The following PCDH11X variants were observed in gnomAD, a reference collection of about 807,000 sequenced individuals.
PCDH11X encodes protocadherin 11 X-linked.
A neutral mutation model predicts 53.3 loss-of-function variants in PCDH11X; 18 were observed. The ratio of observed to expected loss-of-function variants is 0.34; its 90% CI spans 0.23 to 0.50. The LOEUF (loss-of-function observed/expected upper bound fraction) is 0.50. Ranked by LOEUF, PCDH11X falls within the 20% of genes least tolerant of loss-of-function variation. The pLI is 0.98. For synonymous variants in PCDH11X, 279 were observed against 393.3 expected, an observed-to-expected ratio of 0.71 and a Z score of 3.44; for missense variants, 570 against 1,032.4, an observed-to-expected ratio of 0.55 and a Z score of 6.14.
chrX:92,304,992 A>G (rs1344523450), intron 8 of PCDH11X, among the ~76,000 whole-genome samples: 1 of 111,175 alleles, frequency 9.0e-6, no homozygotes, highest in Non-Finnish European at 1.9e-5. Context: ...CTGTATCCCA[A>G]GAGATAATCT....
intron 10 of PCDH11X, among the ~76,000 whole-genome samples, chrX:92,493,009 A>G (rs1295727940): frequency 6.3e-5 from 7 of 111,838 alleles, no homozygotes; most frequent in Middle Eastern, 4.7e-3. Flanking sequence ...TTAATGTTGA[A>G]TATTGTATGA....
rs1247632651 is a variant in PCDH11X at position 91,865,493 on chromosome X, G to C, written c.541-11288G>C. On this transcript the variant is annotated intron_variant, in intron 5 of 10. Coordinates refer to ENST00000682573, the MANE Select transcript of PCDH11X (RefSeq NM_032968.5). The stretch of plus-strand genomic sequence containing the variant: ...AGCACTGGGTCTCACCCAAGTTCAA[G>C]CTCAGCACTGGGTCTCACCCTTGTT... Among the ~76,000 whole-genome samples, 4 of 109,468 alleles carry C rather than the reference G, an allele frequency of 3.7e-5. No individual in the cohort carries two copies. In the East Asian group the frequency reaches 1.2e-3, roughly 32 times the overall value.
intron 6 of PCDH11X, among the ~76,000 whole-genome samples, chrX:92,142,164 T>A (rs186344165): frequency 0.047 from 4,842 of 104,123 alleles, 194 homozygotes; most frequent in African/African-American, 0.15. Context: ...TATTATTTTT[T>A]TTTTTTTTTG....
intron 6 of PCDH11X, among the ~76,000 whole-genome samples, chrX:91,913,353 G>A (rs1372029935): frequency 9.0e-6 from 1 of 111,726 alleles, no homozygotes; most frequent in Non-Finnish European, 1.9e-5. Context: ...CTTGTGGCAA[G>A]GTCAGAGCAG....
chrX:92,590,623 T>A (rs1924934273), intron 10 of PCDH11X, among the ~76,000 whole-genome samples: 1 of 111,466 alleles, frequency 9.0e-6, no homozygotes, highest in South Asian at 3.8e-4. Flanking sequence ...TGTAGCCCTG[T>A]CACAGGGACT....
At chrX:91,788,598 T>C (rs1248532344) in intron 1 of PCDH11X, among the ~76,000 whole-genome samples, 1 of 112,484 alleles carries the variant, frequency 8.9e-6, no homozygotes, top group Admixed American at 9.4e-5. Context: ...TGATGATTGC[T>C]ACATAATCTC....
At chrX:92,138,402 T>C (rs1419983267) in intron 6 of PCDH11X, among the ~76,000 whole-genome samples, 15 of 111,306 alleles carry the variant, frequency 1.3e-4, no homozygotes, top group African/African-American at 4.9e-4. Flanking sequence ...ATTTTCGTTA[T>C]TATTTTCCAT....
At chrX:92,425,607 T>C (rs1423974879) in intron 9 of PCDH11X, among the ~76,000 whole-genome samples, 1 of 109,342 alleles carries the variant, frequency 9.1e-6, no homozygotes, top group East Asian at 2.9e-4. Flanking sequence ...GACATTTAGA[T>C]ATACAGGGCT....
At chrX:92,016,719 T>A (rs1239326376) in intron 6 of PCDH11X, among the ~76,000 whole-genome samples, 4 of 111,749 alleles carry the variant, frequency 3.6e-5, no homozygotes, top group Non-Finnish European at 7.5e-5. Flanking sequence ...TCTAGACCAC[T>A]GAAACTTTCT....
At chrX:92,336,269 A>G (rs1232446082) in intron 8 of PCDH11X, among the ~76,000 whole-genome samples, 1 of 111,850 alleles carries the variant, frequency 8.9e-6, no homozygotes, top group Non-Finnish European at 1.9e-5. Context: ...GGATTCACAC[A>G]CAAAATTATT....
intron 8 of PCDH11X, among the ~76,000 whole-genome samples, chrX:92,332,046 AG>A (rs1372613061): frequency 9.0e-6 from 1 of 111,567 alleles, no homozygotes; most frequent in Non-Finnish European, 1.9e-5. Flanking sequence ...TGCCATAACG[AG>A]GGTTTATATT....
chrX:91,887,599 A>T (rs1423673134), intron 6 of PCDH11X, among the ~76,000 whole-genome samples: 2 of 112,074 alleles, frequency 1.8e-5, no homozygotes, highest in African/African-American at 6.5e-5. Flanking sequence ...CTTTTAGATG[A>T]AGAATTTTAA....
intron 8 of PCDH11X, among the ~76,000 whole-genome samples, chrX:92,273,466 G>A (rs1371227912): frequency 1.8e-5 from 2 of 111,323 alleles, no homozygotes; most frequent in South Asian, 7.7e-4. Context: ...GGTCCTTTCC[G>A]TGCAAGTCAC....
intron 6 of PCDH11X, among the ~76,000 whole-genome samples, chrX:92,178,899 C>CA (rs2065951047): frequency 9.0e-6 from 1 of 111,637 alleles, no homozygotes; most frequent in African/African-American, 3.2e-5. Context: ...AAATATTTTA[C>CA]AAAAAATGGA....
At chrX:92,386,486 AAATC>A (rs2019322922) in intron 8 of PCDH11X, among the ~76,000 whole-genome samples, 1 of 109,381 alleles carries the variant, frequency 9.1e-6, no homozygotes, top group African/African-American at 3.3e-5. Context: ...GGGGACATAA[AAATC>A]AATAGTCCTT....
chrX:92,527,144 G>A (rs1286911748), intron 10 of PCDH11X, among the ~76,000 whole-genome samples: 1 of 111,429 alleles, frequency 9.0e-6, no homozygotes, highest in Non-Finnish European at 1.9e-5. Context: ...TTTGGGATGA[G>A]GTGGAGATGG....
intron 6 of PCDH11X, among the ~76,000 whole-genome samples, chrX:92,009,488 C>A (rs1035189375): frequency 1.6e-4 from 18 of 110,673 alleles, no homozygotes; most frequent in African/African-American, 5.6e-4. Flanking sequence ...ATGCCATTAT[C>A]ATGCTGTATT....
intron 1 of PCDH11X, among the ~76,000 whole-genome samples, chrX:91,803,934 G>A (rs1450032802): frequency 9.0e-6 from 1 of 110,735 alleles, no homozygotes; most frequent in Non-Finnish European, 1.9e-5. Context: ...CTTGGCAGCA[G>A]GAATCCAAAT....
intron 10 of PCDH11X, among the ~76,000 whole-genome samples, chrX:92,499,308 A>T (rs1294126319): frequency 4.6e-5 from 4 of 87,609 alleles, no homozygotes; most frequent in Non-Finnish European, 8.9e-5. Context: ...ATGTAAATAA[A>T]TATAAAATGA....
Sources: gnomAD v4.1 joint callset for allele counts (sites outside exome capture counted in the v4.1 genomes callset) on GRCh38, gnomAD v4.1.1 for gene constraint, MANE v1.5 for transcripts, NCBI Gene and HGNC (gene_info 2026-07-23, HGNC 2026-07-21) for gene names.